Variants in EPB41L5 observed in about 807,000 individuals in gnomAD.
The protein encoded by EPB41L5 is erythrocyte membrane protein band 4.1 like 5, also known as band 4.1-like protein 5.
EPB41L5 carries 55 observed loss-of-function variants against 106.6 expected under a neutral mutation model. The observed-to-expected ratio is 0.52, with a 90% CI of 0.42 to 0.65. EPB41L5 has a LOEUF of 0.65. EPB41L5 is among the 30% of genes least tolerant of loss of function. The pLI is 0.00. For missense variants in EPB41L5, 871 were observed against 882.1 expected (o/e 0.99, Z 0.16); for synonymous variants, 297 against 306.7 (o/e 0.97, Z 0.33).
intron 16 of EPB41L5, among the ~76,000 whole-genome samples, chr2:120,117,595 C>T (rs184414726): frequency 2.6e-5 from 4 of 152,196 alleles, no homozygotes; most frequent in Admixed American, 2.0e-4. Flanking sequence ...GGATTTTTGC[C>T]AATCTGAAAA....
Position 120,143,182 on chromosome 2 carries a change from G to A in EPB41L5, c.1728+51G>A, listed in dbSNP as rs1686260695. On this transcript the variant is annotated intron_variant, in intron 19 of 24. Transcript: ENST00000263713. ...TGGTGAAGTGAAATGAGCATGGGAT[G>A]TAGAGAGTTGCCTTCCCCAACTCTA... 4 of 1,482,236 alleles carry A rather than the reference G, an allele frequency of 2.7e-6. No individual in the cohort carries two copies. In the East Asian group the frequency reaches 7.3e-5, roughly 27 times the overall value. 91.8% of individuals were successfully genotyped at this position (1,482,236 alleles called of 1,614,324 possible).
chr2:120,070,955 C>T (rs1341102712), intron 3 of EPB41L5, among the ~76,000 whole-genome samples: 1 of 152,154 alleles, frequency 6.6e-6, no homozygotes, highest in Admixed American at 6.5e-5. Context: ...TCTCACCACT[C>T]CTATTCAGCA....
At chr2:120,069,875 A>T (rs1366978320) in intron 3 of EPB41L5, among the ~76,000 whole-genome samples, 2 of 152,240 alleles carry the variant, frequency 1.3e-5, no homozygotes, top group Non-Finnish European at 2.9e-5. Context: ...GAAAGATCTA[A>T]AATCGACACC....
At chr2:120,028,003 C>T (rs1185260237) in intron 2 of EPB41L5, among the ~76,000 whole-genome samples, 2 of 151,914 alleles carry the variant, frequency 1.3e-5, no homozygotes, top group African/African-American at 4.8e-5. Context: ...ACTGGGATTA[C>T]AGGCGCCCAC....
intron 18 of EPB41L5, among the ~76,000 whole-genome samples, chr2:120,135,473 A>G (rs1042370171): frequency 5.9e-5 from 9 of 152,218 alleles, no homozygotes; most frequent in African/African-American, 1.2e-4. Context: ...TAACCCAAAT[A>G]GGACTACCTC....
chr2:120,112,407 A>C (rs761794619), intron 16 of EPB41L5, among the ~76,000 whole-genome samples: 2 of 152,196 alleles, frequency 1.3e-5, no homozygotes, highest in Non-Finnish European at 2.9e-5. Flanking sequence ...ATGAATACCA[A>C]GCATGTCTTG....
chr2:120,025,353 T>G (rs1362057364), intron 2 of EPB41L5, among the ~76,000 whole-genome samples: 1 of 152,200 alleles, frequency 6.6e-6, no homozygotes, highest in Non-Finnish European at 1.5e-5. Flanking sequence ...CTCTTTATTA[T>G]TTTTCATTGT....
At chr2:120,159,298 C>T (rs1405679928) in intron 20 of EPB41L5, among the ~76,000 whole-genome samples, 3 of 150,926 alleles carry the variant, frequency 2.0e-5, no homozygotes, top group Non-Finnish European at 4.4e-5. Flanking sequence ...TGGCAGGTGC[C>T]TGTAATCCCA....
chr2:120,076,891 C>A, intron 7 of EPB41L5, 80 bp from the exon 8 acceptor site: 2 of 1,270,466 alleles, frequency 1.6e-6, no homozygotes, highest in South Asian at 3.5e-5. Context: ...TCTTTCTAAT[C>A]TTAGCAGTTT....
intron 10 of EPB41L5, among the ~76,000 whole-genome samples, chr2:120,082,529 T>C (rs1011575363): frequency 3.9e-5 from 6 of 152,196 alleles, no homozygotes; most frequent in Non-Finnish European, 7.3e-5. Flanking sequence ...TGAGGATTTT[T>C]GCATCGATGT....
intron 2 of EPB41L5, among the ~76,000 whole-genome samples, chr2:120,039,026 G>A (rs756193673): frequency 1.3e-5 from 2 of 152,128 alleles, no homozygotes; most frequent in Non-Finnish European, 2.9e-5. Context: ...TTTGCAATAC[G>A]GATGAACCTT....
In EPB41L5 at chr2:120,160,892, A is replaced by G. The variant is rs1284757695; in HGVS notation, c.1805A>G (p.Asn602Ser). The G allele has an allele frequency of 3.7e-6, 6 of 1,612,492 alleles. No homozygotes were observed. In the South Asian group the frequency reaches 4.4e-5, roughly 12 times the overall value. ...CTTTTTCTTCCTAGTGCTGTGTTAA[A>G]TGAGAATAATGTGCCCCTCCCCAAA... ...QDAATNSAVL[N>S]ENNVPLPKES... The change falls in exon 21 of 25, where the codon AAT becomes AGT. Residue 602 changes from asparagine (N) to serine (S), a missense_variant. Physicochemically the swap from Asn to Ser is conservative, Grantham distance 46. Transcript: ENST00000263713.
intron 16 of EPB41L5, among the ~76,000 whole-genome samples, chr2:120,126,754 A>G (rs1297010331): frequency 2.6e-5 from 4 of 152,142 alleles, no homozygotes; most frequent in Non-Finnish European, 5.9e-5. Context: ...TGTTTTGGCT[A>G]TTCTAGCTGC....
At chr2:120,141,402 A>G (rs115789975) in intron 18 of EPB41L5, among the ~76,000 whole-genome samples, 1,730 of 152,172 alleles carry the variant, frequency 0.011, 29 homozygotes, top group African/African-American at 0.04. Flanking sequence ...ATCAGGATCC[A>G]TGAAGGCTTG....
chr2:120,108,118 A>G (rs1684553790), intron 16 of EPB41L5: 1 of 151,988 alleles, frequency 6.6e-6, no homozygotes, highest in Non-Finnish European at 1.5e-5. Flanking sequence ...TTATTATTAG[A>G]TAATTACCTA....
intron 22 of EPB41L5, among the ~76,000 whole-genome samples, chr2:120,165,979 A>C (rs973010340): frequency 2.0e-5 from 3 of 149,740 alleles, no homozygotes; most frequent in Non-Finnish European, 4.4e-5. Context: ...AAAAAAAAAA[A>C]AAAAAAAAAA....
chr2:120,094,203 T>C (rs1342480422), intron 14 of EPB41L5, among the ~76,000 whole-genome samples: 1 of 152,116 alleles, frequency 6.6e-6, no homozygotes, highest in Admixed American at 6.5e-5. Context: ...CCCAGGCTGG[T>C]CTCAAACTCC....
intron 3 of EPB41L5, among the ~76,000 whole-genome samples, chr2:120,053,053 C>G (rs1336931885): frequency 6.6e-6 from 1 of 152,172 alleles, no homozygotes; most frequent in Non-Finnish European, 1.5e-5. Flanking sequence ...CTCAGACAAC[C>G]TAATTATTTC....
At chr2:120,041,922 C>T in intron 2 of EPB41L5, 84 bp from the exon 3 acceptor site, 1 of 956,680 alleles carries the variant, frequency 1.0e-6, no homozygotes, top group Non-Finnish European at 1.6e-6. Flanking sequence ...TTCAAGAGAT[C>T]TTGTATAACT....
Sources: gnomAD v4.1 joint callset for allele counts (sites outside exome capture counted in the v4.1 genomes callset) on GRCh38, gnomAD v4.1.1 for gene constraint, MANE v1.5 for transcripts, NCBI Gene and HGNC (gene_info 2026-07-23, HGNC 2026-07-21) for gene names.